Variants in FANCB observed in about 807,000 individuals in gnomAD.
FANCB encodes Fanconi anemia group B protein.
In FANCB, 5 loss-of-function variants were observed where a neutral mutation model predicts 38.9. The ratio of observed to expected loss-of-function variants is 0.13; its 90% CI spans 0.07 to 0.27. The LOEUF (loss-of-function observed/expected upper bound fraction) is 0.27, where lower values mean the gene tolerates loss of function less well. Ranked by LOEUF, FANCB falls within the 10% of genes least tolerant of loss-of-function variation. The probability of loss-of-function intolerance (pLI) is 1.00; values close to 1 mark genes in which losing one functional copy is unlikely to be tolerated. For synonymous variants in FANCB, 236 were observed against 215.4 expected, an observed-to-expected ratio of 1.10 and a Z score of -0.84; for missense variants, 573 against 602.7, an observed-to-expected ratio of 0.95 and a Z score of 0.52.
the FANCB span, among the ~76,000 whole-genome samples, chrX:14,756,352 C>T: frequency 8.9e-6 from 1 of 112,021 alleles, no homozygotes; most frequent in East Asian, 2.8e-4. Flanking sequence ...AGCATCTCCA[C>T]AGCAAAGATA....
chrX:14,804,184 CAT>C, the FANCB span, among the ~76,000 whole-genome samples: 1 of 111,928 alleles, frequency 8.9e-6, no homozygotes, highest in African/African-American at 3.3e-5. Flanking sequence ...CACATGCACA[CAT>C]ATGTTTATTG....
At position 14,857,882 on chromosome X, in the gene FANCB, G is replaced by A. The variant is rs753812355; in HGVS notation, c.1177C>T (p.Pro393Ser). The A allele has an allele frequency of 1.3e-5, 16 of 1,189,233 alleles. No individual in the cohort carries two copies. Among genetic ancestry groups the A allele is most frequent in the Admixed American group, 4.4e-5 (2 of 45,595 alleles). ...CTAACTTTCAGTCCTGTTTCTAGAG[G>A]TGGAACCACCAGGTAACGATTCTCT... is the stretch of plus-strand genomic sequence containing the variant. ...KQENRYLVVP[P>S]LETGLKVCFS... The change falls in exon 5 of 10, where the codon CCT becomes TCT. Residue 393 changes from proline (P) to serine (S), a missense_variant. By Grantham distance (74) the Pro-to-Ser change is moderately conservative. Coordinates refer to ENST00000650831, the MANE Select transcript of FANCB (RefSeq NM_001018113.3).
At chrX:14,777,667 C>T in the FANCB span, among the ~76,000 whole-genome samples, 4 of 112,048 alleles carry the variant, frequency 3.6e-5, no homozygotes, top group Admixed American at 9.4e-5. Context: ...ATATTCACTC[C>T]TAAATATGAC....
chrX:14,865,668 C>T, intron 2 of FANCB, 88 bp from the exon 3 acceptor site: 2 of 413,916 alleles, frequency 4.8e-6, no homozygotes, highest in Admixed American at 8.2e-5. Context: ...ACATAGGTAA[C>T]TACACATTTT....
At chrX:14,802,760 A>G in the FANCB span, among the ~76,000 whole-genome samples, 1 of 112,100 alleles carries the variant, frequency 8.9e-6, no homozygotes, top group Admixed American at 9.4e-5. Context: ...TTCTTGATTG[A>G]GTGGTTGGAT....
At position 14,843,957 on chromosome X, in the gene FANCB, G is replaced by A; in HGVS notation, c.2190C>T (p.Cys730=). 8.3e-7 allele frequency: 1 copy of A among 1,203,029 alleles called. No homozygotes were observed. Among genetic ancestry groups the A allele is most frequent in the South Asian group, 1.8e-5 (1 of 56,285 alleles). ...YSRNQTVMFQ[C]LHNLIRILPI... ...GGAGAATTCTGATGAGATTATGAAG[G>A]CACTGGAACATAACTGTTTGATTCC... The change falls in exon 10 of 10, where the codon TGC becomes TGT. Residue 730 remains cysteine (C), a synonymous_variant. Coordinates refer to ENST00000650831, the MANE Select transcript of FANCB (RefSeq NM_001018113.3).
the FANCB span, among the ~76,000 whole-genome samples, chrX:14,708,680 T>G: frequency 8.9e-6 from 1 of 111,807 alleles, no homozygotes; most frequent in East Asian, 2.8e-4. Flanking sequence ...CTCACGTCTG[T>G]AATCCCAGCA....
Position 14,865,031 on chromosome X carries a change from A to T in FANCB, c.480T>A (p.Val160=). ...AGGAAAAGTTACCTGACACACTAAC[A>T]ACTTTGCCAGTTTGAGAAGAGATAA... ...FFFISSQTGK[V]VSVSGNFSSI... The change falls in exon 3 of 10, where the codon GTT becomes GTA. Residue 160 remains valine, a synonymous_variant. Transcript: ENST00000650831. 8.3e-7 allele frequency: 1 copy of T among 1,210,550 alleles called. No individual in the cohort carries two copies. The highest frequency in any genetic ancestry group is 1.1e-6 in the Non-Finnish European group (1 of 894,797).
intron 7 of FANCB, 117 bp from the exon 8 acceptor site, chrX:14,845,403 C>A: frequency 1.7e-6 from 1 of 583,903 alleles, no homozygotes; most frequent in Non-Finnish European, 2.8e-6. Context: ...TCCTAGAAAA[C>A]ATCATTTCAA....
chrX:14,727,073 T>TATAGA, the FANCB span, among the ~76,000 whole-genome samples: 1 of 111,956 alleles, frequency 8.9e-6, no homozygotes, highest in South Asian at 3.7e-4. Context: ...GACTTAAAAA[T>TATAGA]ATAGAATAGG....
Position 14,854,395 on chromosome X carries a change from A to G in FANCB, c.1198-1228T>C, listed in dbSNP as rs754660459. ...CCAGGACAATATAGTGATTGAGTAG[A>G]GTAGTTAAATAATCTTGGCTGTGAA... is the stretch of plus-strand genomic sequence containing the variant. On this transcript the variant is annotated intron_variant, in intron 5 of 9. Coordinates refer to ENST00000650831, the MANE Select transcript of FANCB (RefSeq NM_001018113.3). 1.6e-4 allele frequency among the ~76,000 whole-genome samples: 18 copies of G among 112,057 alleles called. 1 individual carries two copies. The South Asian group carries it at 6.0e-3, about 37-fold the overall frequency.
chrX:14,813,081 T>C, the FANCB span, among the ~76,000 whole-genome samples: 1 of 104,601 alleles, frequency 9.6e-6, no homozygotes, highest in Non-Finnish European at 1.9e-5. Flanking sequence ...ATTATCTCAA[T>C]AGATGCAGAA....
chrX:14,738,491 A>G, the FANCB span, among the ~76,000 whole-genome samples: 1 of 112,046 alleles, frequency 8.9e-6, no homozygotes, highest in Non-Finnish European at 1.9e-5. Flanking sequence ...GGATATTATT[A>G]CTATCGCTAG....
rs1191515844 is a variant in FANCB, at chrX:14,864,880, T to G, written c.631A>C (p.Lys211Gln). The change falls in exon 3 of 10, where the codon AAA becomes CAA. Residue 211 changes from lysine (K) to glutamine (Q), a missense_variant. Coordinates refer to ENST00000650831, the MANE Select transcript of FANCB (RefSeq NM_001018113.3). ...SKSDYAIWNT[K>Q]FCVYSLESQE... ...CTTTCAAGAGAATATACACAAAATT[T>G]GGTATTCCAAATTGCATAATCTGAT... 8.3e-7 allele frequency: 1 copy of G among 1,209,288 alleles called. No individual in the cohort carries two copies. The highest frequency in any genetic ancestry group is 2.2e-5 in the Admixed American group (1 of 46,080).
At chrX:14,823,550 C>A in the FANCB span, among the ~76,000 whole-genome samples, 1 of 111,840 alleles carries the variant, frequency 8.9e-6, no homozygotes, top group Non-Finnish European at 1.9e-5. Flanking sequence ...GAACTTACAG[C>A]GACCATCTTA....
At chrX:14,721,820 G>C in the FANCB span, among the ~76,000 whole-genome samples, 1 of 111,494 alleles carries the variant, frequency 9.0e-6, no homozygotes, top group Non-Finnish European at 1.9e-5. Flanking sequence ...GCAGCTAAAA[G>C]CCAAGCAGCA....
the FANCB span, among the ~76,000 whole-genome samples, chrX:14,729,928 AAGTC>A: frequency 8.9e-6 from 1 of 112,084 alleles, no homozygotes; most frequent in African/African-American, 3.2e-5. Context: ...GATTTTGGGA[AAGTC>A]AGTACTGAAT....
the FANCB span, among the ~76,000 whole-genome samples, chrX:14,758,954 C>G: frequency 1.8e-5 from 2 of 110,787 alleles, no homozygotes; most frequent in Non-Finnish European, 3.8e-5. Context: ...AATGTGAAGT[C>G]CATCTTAAAT....
chrX:14,753,101 TAAG>T, the FANCB span, among the ~76,000 whole-genome samples: 1 of 110,448 alleles, frequency 9.1e-6, no homozygotes, highest in Admixed American at 9.7e-5. Context: ...GTACATTTCC[TAAG>T]AATATGATAT....
Sources: gnomAD v4.1 joint callset for allele counts (sites outside exome capture counted in the v4.1 genomes callset) on GRCh38, gnomAD v4.1.1 for gene constraint, MANE v1.5 for transcripts, NCBI Gene and HGNC (gene_info 2026-07-23, HGNC 2026-07-21) for gene names.